The following CEP85L variants were observed in gnomAD, a reference collection of about 807,000 sequenced individuals.
The protein encoded by CEP85L is centrosomal protein of 85 kDa-like.
CEP85L carries 60 observed loss-of-function variants against 100.3 expected under a neutral mutation model. The ratio of observed to expected loss-of-function variants is 0.60; its 90% CI spans 0.49 to 0.74. CEP85L has a LOEUF of 0.74. Among genes scored for constraint, CEP85L ranks in the 30% least tolerant of loss-of-function variants. CEP85L has a pLI of 0.00. For synonymous variants in CEP85L, 319 were observed against 322.7 expected, an observed-to-expected ratio of 0.99 and a Z score of 0.12; for missense variants, 973 against 936.2, an observed-to-expected ratio of 1.04 and a Z score of -0.51.
intron 5 of CEP85L, 47 bp downstream of exon 5, chr6:118,511,240 TATATTATTAAC>T: frequency 1.0e-6 from 1 of 977,712 alleles, no homozygotes. Context: ...ACAAGGTAAG[TATATTATTAAC>T]ACAAGCTTTA....
chr6:118,537,785 C>A, intron 3 of CEP85L: 5 of 985,288 alleles, frequency 5.1e-6, no homozygotes, highest in Non-Finnish European at 3.6e-6. Context: ...ACAACCTCTG[C>A]AATTCTTCAA....
chr6:118,594,237 C>T (rs1266657052), intron 2 of CEP85L, among the ~76,000 whole-genome samples: 2 of 152,174 alleles, frequency 1.3e-5, no homozygotes, highest in East Asian at 1.9e-4. Context: ...CTTTATAAGG[C>T]TTTTGTTTTT....
intron 1 of CEP85L, among the ~76,000 whole-genome samples, chr6:118,699,498 C>A: frequency 6.6e-6 from 1 of 150,462 alleles, no homozygotes; most frequent in African/African-American, 2.4e-5. Context: ...AGTTAACGAA[C>A]ACAACACCAA....
intron 2 of CEP85L, among the ~76,000 whole-genome samples, chr6:118,604,271 G>T (rs143946929): frequency 5.3e-5 from 8 of 152,162 alleles, no homozygotes; most frequent in Non-Finnish European, 8.8e-5. Flanking sequence ...TGAAAGAGCA[G>T]ATTAGTGCTC....
chr6:118,466,379 GAAGTCAGAAAAGGAACAGAC>G (rs1166146219), intron 12 of CEP85L, among the ~76,000 whole-genome samples: 3 of 152,136 alleles, frequency 2.0e-5, no homozygotes, highest in Non-Finnish European at 4.4e-5. Flanking sequence ...GTTAGATGTT[GAAGTCAGAAAAGGAACAGAC>G]ACAGTGGCTT....
chr6:118,609,393 T>C (rs548922981), intron 2 of CEP85L, among the ~76,000 whole-genome samples: 55 of 152,316 alleles, frequency 3.6e-4, no homozygotes, highest in African/African-American at 1.3e-3. Context: ...TTTATGCTCT[T>C]GTAAATGTGT....
chr6:118,502,275 A>G, intron 5 of CEP85L: 1 of 552,630 alleles, frequency 1.8e-6, no homozygotes, highest in South Asian at 2.1e-5. Context: ...AGGATAATTC[A>G]GATTTAATCT....
intron 3 of CEP85L, among the ~76,000 whole-genome samples, chr6:118,564,491 C>T (rs1245890050): frequency 1.3e-5 from 2 of 152,124 alleles, no homozygotes; most frequent in Non-Finnish European, 2.9e-5. Context: ...TGTTTAAATA[C>T]ATAATCAAAA....
chr6:118,613,062 C>T (rs1257832109), intron 2 of CEP85L, among the ~76,000 whole-genome samples: 2 of 151,686 alleles, frequency 1.3e-5, no homozygotes, highest in South Asian at 2.1e-4. Context: ...ACTAAAAATA[C>T]AAAAATTAGC....
intron 2 of CEP85L, among the ~76,000 whole-genome samples, chr6:118,613,044 T>G (rs1189210078): frequency 1.3e-5 from 2 of 150,802 alleles, no homozygotes; most frequent in Admixed American, 1.3e-4. Context: ...CATGGAGAAA[T>G]CCCCTCTACT....
At position 118,632,530 on chromosome 6, in the gene CEP85L, T is replaced by C; in HGVS notation, c.155A>G (p.Asn52Ser). 6.2e-7 allele frequency: 1 copy of C among 1,613,278 alleles called. No homozygotes were observed. The highest frequency in any genetic ancestry group is 1.7e-5 in the Admixed American group (1 of 59,904). The change falls in exon 2 of 13, where the codon AAC becomes AGC. Residue 52 changes from asparagine to serine, a missense_variant. By Grantham distance (46) the Asn-to-Ser change is conservative (BLOSUM62 1). Transcript: ENST00000368491. ...AGCTATACTGTGTCTCCTGATATGGTTATTTCGATGGTTAGATGGAACAGT... is the reference window on the plus strand; with the variant it reads ...AGCTATACTGTGTCTCCTGATATGGCTATTTCGATGGTTAGATGGAACAGT... ...ATTVPSNHRN[N>S]HIRRHSIASD... is the part of the protein sequence containing the mutation.
intron 5 of CEP85L, among the ~76,000 whole-genome samples, chr6:118,506,244 G>C (rs1775650358): frequency 6.6e-6 from 1 of 152,056 alleles, no homozygotes; most frequent in African/African-American, 2.4e-5. Context: ...AGATAACTTG[G>C]ACAGTCTGAA....
intron 3 of CEP85L, chr6:118,558,683 AGAGAGG>A (rs1779044529): frequency 1.1e-5 from 6 of 530,624 alleles, no homozygotes; most frequent in Admixed American, 3.1e-5. Context: ...AGAGAGAGAG[AGAGAGG>A]GAGAGAGACT....
intron 3 of CEP85L, among the ~76,000 whole-genome samples, chr6:118,563,981 A>C (rs1192346755): frequency 1.3e-5 from 2 of 152,124 alleles, no homozygotes; most frequent in African/African-American, 2.4e-5. Flanking sequence ...CTATAAAGAG[A>C]CCATCCCAAA....
At chr6:118,496,356 T>TA (rs765668057) in intron 5 of CEP85L, among the ~76,000 whole-genome samples, 1 of 139,458 alleles carries the variant, frequency 7.2e-6, no homozygotes, top group South Asian at 2.3e-4. Context: ...TATTTTATAT[T>TA]TTTTATTTTA....
At chr6:118,558,626 TACACACACACACACACAC>T (rs371775061) in intron 3 of CEP85L, among the ~76,000 whole-genome samples, 34 of 111,666 alleles carry the variant, frequency 3.0e-4, no homozygotes, top group Admixed American at 2.7e-3. Context: ...CACGTGCACA[TACACACACACACACACAC>T]ACACACACAC....
chr6:118,606,322 C>T (rs971206072), intron 2 of CEP85L, among the ~76,000 whole-genome samples: 2 of 152,108 alleles, frequency 1.3e-5, no homozygotes, highest in Non-Finnish European at 2.9e-5. Flanking sequence ...AGACAGTCCA[C>T]GGAGGAGAAG....
intron 11 of CEP85L, 144 bp from the exon 12 acceptor site, chr6:118,469,447 T>C (rs137896316): frequency 6.2e-5 from 38 of 614,530 alleles, no homozygotes; most frequent in African/African-American, 4.4e-4. Flanking sequence ...CAACTACATA[T>C]ATGCAGTGGG....
chr6:118,485,283 C>G (rs1208011885), intron 6 of CEP85L, among the ~76,000 whole-genome samples: 1 of 152,144 alleles, frequency 6.6e-6, no homozygotes, highest in African/African-American at 2.4e-5. Context: ...GGGAAAATAA[C>G]TGGCAATAAT....
Sources: gnomAD v4.1 joint callset for allele counts (sites outside exome capture counted in the v4.1 genomes callset) on GRCh38, gnomAD v4.1.1 for gene constraint, MANE v1.5 for transcripts, NCBI Gene and HGNC (gene_info 2026-07-23, HGNC 2026-07-21) for gene names.